FRMD4B: variants seen among roughly 807,000 people sequenced by gnomAD.
FRMD4B encodes FERM domain containing 4B.
In FRMD4B, 74 loss-of-function variants were observed where a neutral mutation model predicts 141.5. The ratio of observed to expected loss-of-function variants is 0.52; its 90% confidence interval spans 0.43 to 0.63. FRMD4B has a LOEUF of 0.63. FRMD4B is among the 30% of genes least tolerant of loss of function. The pLI, the probability that FRMD4B is intolerant of heterozygous loss-of-function variation, is 0.00. For synonymous variants in FRMD4B, 506 were observed against 467.9 expected (o/e 1.08, Z -1.05); for missense variants, 1,366 against 1,253.4 (o/e 1.09, Z -1.36).
intron 6 of FRMD4B, 114 bp from the exon 7 acceptor site, chr3:69,249,362 G>A (rs1313132594): frequency 1.4e-6 from 1 of 690,816 alleles, no homozygotes; most frequent in Non-Finnish European, 2.5e-6. Flanking sequence ...TTTGAAGAGT[G>A]TTTCTCAGGA....
At chr3:69,441,928 T>C (rs1304860595) in intron 1 of FRMD4B, among the ~76,000 whole-genome samples, 4 of 152,206 alleles carry the variant, frequency 2.6e-5, no homozygotes, top group Non-Finnish European at 5.9e-5. Flanking sequence ...GGTTTCCAAG[T>C]GGCTTAGAAC....
chr3:69,515,406 C>A (rs1190011491), intron 1 of FRMD4B, among the ~76,000 whole-genome samples: 1 of 152,198 alleles, frequency 6.6e-6, no homozygotes, highest in Non-Finnish European at 1.5e-5. Flanking sequence ...CTTAAGACTG[C>A]AGTATCTTCA....
At chr3:69,466,669 T>C (rs1171993887) in intron 1 of FRMD4B, among the ~76,000 whole-genome samples, 6 of 152,188 alleles carry the variant, frequency 3.9e-5, no homozygotes, top group Non-Finnish European at 7.4e-5. Flanking sequence ...AACACAAAGT[T>C]AAAACCAACA....
intron 1 of FRMD4B, among the ~76,000 whole-genome samples, chr3:69,438,250 C>T (rs956992923): frequency 2.6e-5 from 4 of 151,644 alleles, no homozygotes; most frequent in Non-Finnish European, 5.9e-5. Flanking sequence ...ACTACACAGG[C>T]GGCATTACCA....
chr3:69,191,963 C>T (rs1406568045), intron 17 of FRMD4B, among the ~76,000 whole-genome samples: 2 of 152,194 alleles, frequency 1.3e-5, no homozygotes, highest in Admixed American at 1.3e-4. Context: ...ATATGCTCTA[C>T]ACCCAATTAT....
intron 5 of FRMD4B, among the ~76,000 whole-genome samples, chr3:69,251,446 GTTC>G (rs1479170026): frequency 6.6e-6 from 1 of 152,062 alleles, no homozygotes; most frequent in Non-Finnish European, 1.5e-5. Flanking sequence ...TTTGAAGAGG[GTTC>G]TCAAAAAACA....
At chr3:69,259,814 GT>G (rs2093514668) in intron 5 of FRMD4B, among the ~76,000 whole-genome samples, 1 of 152,056 alleles carries the variant, frequency 6.6e-6, no homozygotes, top group African/African-American at 2.4e-5. Context: ...TTTAAAATTT[GT>G]TTTAGAAATG....
At chr3:69,514,015 G>T (rs4346547) in intron 1 of FRMD4B, among the ~76,000 whole-genome samples, 35,692 of 152,028 alleles carry the variant, frequency 0.23, 4,367 homozygotes, top group African/African-American at 0.29. Flanking sequence ...CCCAGCTTTT[G>T]CCAGTTCTTT....
At chr3:69,456,106 T>C (rs757621142) in intron 1 of FRMD4B, among the ~76,000 whole-genome samples, 2 of 152,204 alleles carry the variant, frequency 1.3e-5, no homozygotes, top group Non-Finnish European at 2.9e-5. Context: ...CCATCACTTA[T>C]ATAGGGATTG....
chr3:69,404,220 T>A (rs1272471532), intron 2 of FRMD4B, among the ~76,000 whole-genome samples: 1 of 152,202 alleles, frequency 6.6e-6, no homozygotes, highest in Non-Finnish European at 1.5e-5. Context: ...TTCTTTTGGA[T>A]TTTCTTGAAG....
intron 22 of FRMD4B, among the ~76,000 whole-genome samples, chr3:69,173,275 T>C (rs1480140053): frequency 6.6e-6 from 1 of 152,188 alleles, no homozygotes; most frequent in Non-Finnish European, 1.5e-5. Context: ...ACATTTCTAC[T>C]TCGGAAAGTT....
chr3:69,343,655 C>A (rs938107127), intron 1 of FRMD4B, among the ~76,000 whole-genome samples: 2 of 148,702 alleles, frequency 1.3e-5, no homozygotes, highest in Non-Finnish European at 3.0e-5. Context: ...TCCCGGCTCA[C>A]TGCAACCTCC....
chr3:69,216,205 T>A, intron 11 of FRMD4B, 58 bp downstream of exon 11: 1 of 914,380 alleles, frequency 1.1e-6, no homozygotes, highest in East Asian at 2.6e-5. Flanking sequence ...TTTTCAACTA[T>A]GTTGTGATTA....
Position 69,535,843 on chromosome 3 carries a change from G to T in FRMD4B, c.-129+6363C>A, listed in dbSNP as rs998231156. On this transcript the variant is annotated intron_variant, in intron 1 of 5. Coordinates refer to the FRMD4B transcript ENST00000459638. ...CCCCTGGGCAGCTGCCCCTTTAGGA[G>T]CCTTGGTCTTGGCTACCACCTTCTG... 2.6e-4 allele frequency: 121 copies of T among 467,174 alleles called. 1 individual carries two copies. Among genetic ancestry groups the T allele is most frequent in the South Asian group, 6.4e-4 (41 of 63,980 alleles). The allele number at this position is 467,174 out of a possible 1,614,324, so 28.9% of individuals were successfully genotyped here.
chr3:69,172,007 C>T, intron 22 of FRMD4B, 26 bp from the exon 23 acceptor site: 1 of 1,610,386 alleles, frequency 6.2e-7, no homozygotes, highest in Non-Finnish European at 8.5e-7. Context: ...AGAAAAGTTA[C>T]TACTTGTGGC....
intron 11 of FRMD4B, among the ~76,000 whole-genome samples, chr3:69,202,361 A>ATG (rs34290150): frequency 7.3e-5 from 11 of 151,604 alleles, no homozygotes; most frequent in South Asian, 4.2e-4. Context: ...TATGACATAT[A>ATG]TGTGTGTGTG....
intron 1 of FRMD4B, among the ~76,000 whole-genome samples, chr3:69,339,295 C>T (rs143756220): frequency 2.0e-5 from 3 of 152,244 alleles, no homozygotes; most frequent in Admixed American, 2.0e-4. Flanking sequence ...AGAAGTTCCA[C>T]ATGTGGGGAG....
chr3:69,381,110 G>A (rs1036373458), intron 1 of FRMD4B, among the ~76,000 whole-genome samples: 2 of 152,204 alleles, frequency 1.3e-5, no homozygotes, highest in African/African-American at 2.4e-5. Context: ...CACTCATAAA[G>A]TAAGTCTTTG....
chr3:69,479,500 A>G (rs944092129), intron 1 of FRMD4B, among the ~76,000 whole-genome samples: 5 of 152,134 alleles, frequency 3.3e-5, no homozygotes, highest in Admixed American at 6.5e-5. Context: ...TTCTGGGTTG[A>G]AAATTCTTTT....
Sources: gnomAD v4.1 joint callset for allele counts (sites outside exome capture counted in the v4.1 genomes callset) on GRCh38, gnomAD v4.1.1 for gene constraint, MANE v1.5 for transcripts, NCBI Gene and HGNC (gene_info 2026-07-23, HGNC 2026-07-21) for gene names.